Variants in EGFR observed in about 807,000 individuals in gnomAD.
The protein encoded by EGFR is avian erythroblastic leukemia viral (v-erb-b) oncogene homolog.
Under a neutral mutation model 143.0 loss-of-function variants are expected in EGFR, and 58 were observed. The observed-to-expected ratio is 0.41, with a 90% CI of 0.33 to 0.50. The LOEUF is 0.50. EGFR is among the 20% of genes least tolerant of loss of function. The pLI, the probability that EGFR is intolerant of heterozygous loss-of-function variation, is 0.39. For synonymous variants in EGFR, 613 were observed against 594.4 expected (o/e 1.03, Z -0.45); for missense variants, 1,307 against 1,579.0 (o/e 0.83, Z 2.92).
intron 1 of EGFR, among the ~76,000 whole-genome samples, chr7:55,141,185 C>G (rs549184332): frequency 1.3e-5 from 2 of 152,320 alleles, no homozygotes; most frequent in South Asian, 4.1e-4. Context: ...CATATTTCTT[C>G]ACTCTTAAGA....
chr7:55,149,800 T>C (rs915347649), intron 4 of EGFR, among the ~76,000 whole-genome samples: 53 of 152,318 alleles, frequency 3.5e-4, no homozygotes, highest in African/African-American at 1.2e-3. Flanking sequence ...AAATAAGAGA[T>C]TGGTTGAAAA....
At chr7:55,093,500 G>A (rs1240426709) in intron 1 of EGFR, among the ~76,000 whole-genome samples, 7 of 152,134 alleles carry the variant, frequency 4.6e-5, no homozygotes, top group Non-Finnish European at 1.0e-4. Flanking sequence ...CGCTCGCCCC[G>A]CGTCTCAGTC....
At chr7:55,027,988 AAAAATATAT>A (rs1296062643) in intron 1 of EGFR, among the ~76,000 whole-genome samples, 38 of 87,838 alleles carry the variant, frequency 4.3e-4, no homozygotes, top group Non-Finnish European at 4.4e-4. Flanking sequence ...AAAAAAAAAA[AAAAATATAT>A]ATATATATAT....
chr7:55,036,284 GTGGGT>G, intron 1 of EGFR, among the ~76,000 whole-genome samples: 1 of 43,582 alleles, frequency 2.3e-5, no homozygotes, highest in African/African-American at 7.4e-5. Flanking sequence ...GGGGGGGGGG[GTGGGT>G]GTGTGTGTGT....
intron 1 of EGFR, among the ~76,000 whole-genome samples, chr7:55,057,976 G>A (rs1012027633): frequency 7.2e-5 from 11 of 152,164 alleles, no homozygotes; most frequent in African/African-American, 2.2e-4. Flanking sequence ...GTTATTAGCC[G>A]AAACAAGAGC....
intron 1 of EGFR, among the ~76,000 whole-genome samples, chr7:55,046,401 T>C (rs1201957285): frequency 6.6e-6 from 1 of 152,130 alleles, no homozygotes; most frequent in Non-Finnish European, 1.5e-5. Flanking sequence ...TCCAAAATAA[T>C]GAAGTGAGGC....
At chr7:55,038,533 A>C (rs1034793324) in intron 1 of EGFR, among the ~76,000 whole-genome samples, 1 of 152,222 alleles carries the variant, frequency 6.6e-6, no homozygotes, top group Non-Finnish European at 1.5e-5. Flanking sequence ...CCTCAGGTTA[A>C]TAGGCAGGGG....
intron 22 of EGFR, among the ~76,000 whole-genome samples, chr7:55,197,305 C>T (rs1787659578): frequency 6.6e-6 from 1 of 152,118 alleles, no homozygotes; most frequent in African/African-American, 2.4e-5. Context: ...ATTTGGTTCT[C>T]AGCTTGACTG....
intron 1 of EGFR, among the ~76,000 whole-genome samples, chr7:55,061,649 T>TGTGTGTGTGTGTGA (rs1432070752): frequency 1.6e-4 from 21 of 132,734 alleles, no homozygotes; most frequent in African/African-American, 5.7e-4. Flanking sequence ...TGTGTGTGTG[T>TGTGTGTGTGTGTGA]GAGAGAGAGA....
rs1785383001 is a variant in EGFR, at chr7:55,155,848, A to T, written c.908A>T (p.Asp303Val). The T allele has an allele frequency of 1.2e-6, 2 of 1,613,862 alleles. No individual in the cohort carries two copies. Among genetic ancestry groups the T allele is most frequent in the Non-Finnish European group, 1.7e-6 (2 of 1,179,972 alleles). ...TCCCCAGGTAATTATGTGGTGACAG[A>T]TCACGGCTCGTGCGTCCGAGCCTGT... is the stretch of plus-strand genomic sequence containing the variant. Reference protein sequence around the residue: ...KKCPRNYVVTDHGSCVRACGA... With the variant: ...KKCPRNYVVTVHGSCVRACGA... The change falls in exon 8 of 28, where the codon GAT becomes GTT. Residue 303 changes from aspartate (D) to valine (V), a missense_variant. Physicochemically the swap from Asp to Val is radical, Grantham distance 152. Transcript: ENST00000275493.
chr7:55,096,004 C>A (rs991243150), intron 1 of EGFR, among the ~76,000 whole-genome samples: 1 of 152,070 alleles, frequency 6.6e-6, no homozygotes, highest in Non-Finnish European at 1.5e-5. Context: ...CACAGACACA[C>A]ACAGGCACAC....
At chr7:55,087,297 AC>A (rs1790830274) in intron 1 of EGFR, among the ~76,000 whole-genome samples, 1 of 149,198 alleles carries the variant, frequency 6.7e-6, no homozygotes, top group Non-Finnish European at 1.5e-5. Context: ...AAAAAAAAAA[AC>A]CTGTACTCTG....
At chr7:55,202,453 T>C in intron 26 of EGFR, 64 bp from the exon 27 acceptor site, 5 of 1,401,284 alleles carry the variant, frequency 3.6e-6, no homozygotes, top group Non-Finnish European at 3.0e-6. Context: ...CTCGGGTGAT[T>C]TTTGCAAACA....
At chr7:55,170,842 C>G (rs1019123460) in intron 15 of EGFR, 3 of 1,412,770 alleles carry the variant, frequency 2.1e-6, no homozygotes, top group Non-Finnish European at 2.8e-6. Context: ...CCTTCTGCCC[C>G]TCTGTTTGAA....
chr7:55,094,732 C>T (rs1353978453), intron 1 of EGFR, among the ~76,000 whole-genome samples: 1 of 152,190 alleles, frequency 6.6e-6, no homozygotes, highest in Non-Finnish European at 1.5e-5. Flanking sequence ...GAAATAAATA[C>T]ATAGTGCTTT....
intron 1 of EGFR, among the ~76,000 whole-genome samples, chr7:55,134,734 A>G (rs565406504): frequency 1.6e-4 from 25 of 152,376 alleles, no homozygotes; most frequent in South Asian, 6.2e-4. Context: ...TTAAAAACCA[A>G]TGAAGGTAAA....
intron 15 of EGFR, among the ~76,000 whole-genome samples, chr7:55,166,114 G>A (rs568992805): frequency 2.0e-5 from 3 of 152,076 alleles, no homozygotes; most frequent in East Asian, 1.9e-4. Context: ...TCTCGCCACT[G>A]CACTCCAGCC....
intron 10 of EGFR, among the ~76,000 whole-genome samples, chr7:55,157,388 G>A (rs997382636): frequency 2.0e-5 from 3 of 152,208 alleles, no homozygotes; most frequent in African/African-American, 7.2e-5. Context: ...AATCAGATAC[G>A]CGGCGCAGCA....
At chr7:55,087,141 C>T (rs1051871407) in intron 1 of EGFR, among the ~76,000 whole-genome samples, 11 of 151,888 alleles carry the variant, frequency 7.2e-5, no homozygotes, top group African/African-American at 2.2e-4. Context: ...TGACCACAAG[C>T]GGGGGGAAGA....
Sources: allele counts gnomAD v4.1 joint callset (sites outside exome capture counted in the v4.1 genomes callset), GRCh38; gene constraint gnomAD v4.1.1; transcripts MANE v1.5; gene names NCBI Gene and HGNC (gene_info 2026-07-23, HGNC 2026-07-21).